Variants in SNX29 observed in about 807,000 individuals in gnomAD.
The protein encoded by SNX29 is sorting nexin-29.
Under a neutral mutation model 102.1 loss-of-function variants are expected in SNX29, and 78 were observed. The ratio of observed to expected loss-of-function variants is 0.76; its 90% CI spans 0.64 to 0.92. The LOEUF (loss-of-function observed/expected upper bound fraction) is 0.92. Among genes scored for constraint, SNX29 ranks in the 40% least tolerant of loss-of-function variants. SNX29 has a pLI of 0.00. For synonymous variants in SNX29, 580 were observed against 414.5 expected, an observed-to-expected ratio of 1.40 and a Z score of -4.85; for missense variants, 1,280 against 1,061.7, an observed-to-expected ratio of 1.21 and a Z score of -2.86.
At chr16:12,001,404 C>T (rs545246969) in intron 2 of SNX29, among the ~76,000 whole-genome samples, 9 of 152,212 alleles carry the variant, frequency 5.9e-5, no homozygotes, top group South Asian at 2.1e-4. Flanking sequence ...TGAGCCACCG[C>T]GCCTAGCCTG....
chr16:12,527,256 G>A (rs1406600632), intron 20 of SNX29: 19 of 532,882 alleles, frequency 3.6e-5, no homozygotes, highest in East Asian at 3.2e-4. Flanking sequence ...CCGTGCTGAC[G>A]AATCTCCATG....
intron 9 of SNX29, among the ~76,000 whole-genome samples, chr16:12,064,004 A>G (rs534623694): frequency 6.6e-6 from 1 of 151,974 alleles, no homozygotes; most frequent in South Asian, 2.1e-4. Flanking sequence ...GGATGTGTCT[A>G]GGACCCCTGG....
intron 19 of SNX29, among the ~76,000 whole-genome samples, chr16:12,483,130 T>TG (rs2088043807): frequency 7.4e-6 from 1 of 134,678 alleles, no homozygotes; most frequent in Non-Finnish European, 1.6e-5. Context: ...TTTTTTTTTT[T>TG]TTTTTTTTTT....
chr16:12,415,211 G>C (rs1051008512), intron 18 of SNX29, among the ~76,000 whole-genome samples: 21 of 152,254 alleles, frequency 1.4e-4, no homozygotes, highest in African/African-American at 5.1e-4. Flanking sequence ...GCCACTGTCT[G>C]CAGGTTGGAA....
chr16:12,209,414 T>C (rs1248469665), intron 14 of SNX29, among the ~76,000 whole-genome samples: 1 of 152,224 alleles, frequency 6.6e-6, no homozygotes, highest in Admixed American at 6.5e-5. Context: ...GGTTTCAAAC[T>C]CCTGGCCTCA....
chr16:12,504,209 G>A (rs987271450), intron 19 of SNX29, among the ~76,000 whole-genome samples: 24 of 152,286 alleles, frequency 1.6e-4, no homozygotes, highest in Middle Eastern at 3.4e-3. Flanking sequence ...GGTCTGTCCT[G>A]TTATAGCACA....
chr16:12,010,023 G>A (rs1325404102), intron 3 of SNX29, among the ~76,000 whole-genome samples: 3 of 152,228 alleles, frequency 2.0e-5, no homozygotes, highest in African/African-American at 7.2e-5. Context: ...GGGTTTGCCA[G>A]TTCTGGGTTG....
intron 16 of SNX29, among the ~76,000 whole-genome samples, chr16:12,390,880 TAA>T (rs113993775): frequency 1.9e-4 from 26 of 135,476 alleles, no homozygotes; most frequent in Non-Finnish European, 1.8e-4. Context: ...GTTCAGTCTT[TAA>T]AAAAAAAAAA....
intron 4 of SNX29, among the ~76,000 whole-genome samples, chr16:12,035,452 C>G (rs1354385368): frequency 1.3e-5 from 2 of 152,098 alleles, no homozygotes; most frequent in African/African-American, 4.8e-5. Context: ...TTATGCTGAG[C>G]CCTGGTTCTG....
chr16:12,242,588 C>CTTTTCTTCTTCTTTTCTTCTTCTTTTCT (rs1384998077), intron 14 of SNX29, among the ~76,000 whole-genome samples: 3 of 148,478 alleles, frequency 2.0e-5, no homozygotes, highest in African/African-American at 7.7e-5. Flanking sequence ...TTTTCTTCTT[C>CTTTTCTTCTTCTTTTCTTCTTCTTTTCT]TCTTCTTCTT....
At position 12,421,369 on chromosome 16, in the gene SNX29, A is replaced by G. The variant is rs533207607; in HGVS notation, c.2037+17840A>G. 3.3e-5 allele frequency among the ~76,000 whole-genome samples: 5 copies of G among 152,346 alleles called. 1 individual carries two copies. In the South Asian group the frequency reaches 8.3e-4, roughly 25 times the overall value. On this transcript the variant is annotated intron_variant, in intron 18 of 20. Transcript: ENST00000566228. Reference sequence around the variant, plus strand: ...GGAGAGAGTAAAAACCAAGGTCTCAAAGGAGGTTTGGAGACCAAATGGGGC... The same window carrying G: ...GGAGAGAGTAAAAACCAAGGTCTCAGAGGAGGTTTGGAGACCAAATGGGGC...
At chr16:12,522,093 C>G (rs900678574) in intron 19 of SNX29, among the ~76,000 whole-genome samples, 1 of 152,220 alleles carries the variant, frequency 6.6e-6, no homozygotes, top group African/African-American at 2.4e-5. Context: ...TCCACGCTTC[C>G]ATCTCCCACC....
At chr16:11,989,047 A>G (rs1209617290) in intron 1 of SNX29, among the ~76,000 whole-genome samples, 1 of 151,722 alleles carries the variant, frequency 6.6e-6, no homozygotes, top group Non-Finnish European at 1.5e-5. Context: ...ATCTCAGCTT[A>G]TTGCAACCTT....
intron 20 of SNX29, among the ~76,000 whole-genome samples, chr16:12,564,153 C>G (rs917609752): frequency 3.3e-5 from 5 of 152,096 alleles, no homozygotes. Context: ...CTTGGGAGGC[C>G]TGAGGTAGAG....
At chr16:12,508,484 C>G (rs1401340979) in intron 19 of SNX29, among the ~76,000 whole-genome samples, 1 of 152,214 alleles carries the variant, frequency 6.6e-6, no homozygotes, top group Non-Finnish European at 1.5e-5. Context: ...TTGATCTGCA[C>G]TGTGATATTC....
chr16:12,448,493 A>T (rs2086163185), intron 18 of SNX29, among the ~76,000 whole-genome samples: 1 of 150,104 alleles, frequency 6.7e-6, no homozygotes. Flanking sequence ...TTAGGCCACC[A>T]AGTCAGTGAT....
In SNX29 at chr16:12,224,595, C is replaced by T. The variant is rs537508608; in HGVS notation, c.1678+24912C>T. On this transcript the variant is annotated intron_variant, in intron 14 of 20. Transcript: ENST00000566228. ...GAGGGTTGAAGGTTGAGTATGAGTT[C>T]TTCAGGTCAAAACAGGGAAGTGAGA... Among the ~76,000 whole-genome samples, 24 of 152,262 alleles carry T rather than the reference C, an allele frequency of 1.6e-4. No homozygotes were observed. The South Asian group carries it at 4.8e-3, about 30-fold the overall frequency.
chr16:12,464,081 C>G (rs571412290), intron 18 of SNX29, among the ~76,000 whole-genome samples: 22 of 152,114 alleles, frequency 1.4e-4, no homozygotes, highest in Admixed American at 6.5e-4. Flanking sequence ...CATAGAACTT[C>G]ACTCACGTCC....
intron 18 of SNX29, 29 bp from the exon 19 acceptor site, chr16:12,477,690 A>T (rs767169243): frequency 5.4e-5 from 87 of 1,603,008 alleles, no homozygotes; most frequent in Non-Finnish European, 6.5e-5. Context: ...AGGGTTTAAG[A>T]GGAATTCACA....
Sources: gnomAD v4.1 joint callset for allele counts (sites outside exome capture counted in the v4.1 genomes callset) on GRCh38, gnomAD v4.1.1 for gene constraint, MANE v1.5 for transcripts, NCBI Gene and HGNC (gene_info 2026-07-23, HGNC 2026-07-21) for gene names.